FARS2: variants seen among roughly 807,000 people sequenced by gnomAD.
The protein encoded by FARS2 is phenylalanine--tRNA ligase, mitochondrial.
In FARS2, 40 loss-of-function variants were observed where a neutral mutation model predicts 46.4. That is an observed-to-expected ratio of 0.86 (90% CI 0.67 to 1.12). The LOEUF is 1.12. FARS2 is among the 50% of genes most tolerant of loss of function. FARS2 has a pLI of 0.00. For missense variants in FARS2, 513 were observed against 567.9 expected (o/e 0.90, Z 0.98); for synonymous variants, 234 against 214.9 (o/e 1.09, Z -0.78).
chr6:5,441,750 G>A (rs1763854822), intron 4 of FARS2, among the ~76,000 whole-genome samples: 2 of 152,196 alleles, frequency 1.3e-5, no homozygotes, highest in Admixed American at 6.5e-5. Flanking sequence ...GAGTCTCACT[G>A]AGCTATGTTT....
Position 5,369,027 on chromosome 6 carries a change from A to C in FARS2, c.457A>C (p.Arg153=). The stretch of plus-strand genomic sequence containing the variant: ...TTACCTGAATCGGACTCACATGCTG[A>C]GAGCGCACACGTCTGCACACCAGTG... ...NYYLNRTHML[R]AHTSAHQWDL... The change falls in exon 2 of 7, where the codon AGA becomes CGA. Residue 153 remains arginine (R), a synonymous_variant. Transcript: ENST00000274680. The C allele has an allele frequency of 6.2e-7, 1 of 1,614,040 alleles. No homozygotes were observed. Among genetic ancestry groups the C allele is most frequent in the South Asian group, 1.1e-5 (1 of 91,076 alleles).
Position 5,630,609 on chromosome 6 carries a change from T to A in FARS2, c.1217+17289T>A, listed in dbSNP as rs981983514. ...TTTGAAATAATACTGCAGGGAAGTTTCACGTTGCTGTCATTTACCCGTTCT... is the reference window on the plus strand; with the variant it reads ...TTTGAAATAATACTGCAGGGAAGTTACACGTTGCTGTCATTTACCCGTTCT... On this transcript the variant is annotated intron_variant, in intron 6 of 6. Transcript: ENST00000274680. This position sits in a 1 kb window ranked among gnomAD's most constrained non-coding sequence, Gnocchi z 4.2. Among the ~76,000 whole-genome samples, 6 of 152,214 alleles carry A rather than the reference T, an allele frequency of 3.9e-5. No individual in the cohort carries two copies. The highest frequency in any genetic ancestry group is 1.4e-4 in the African/African-American group (6 of 41,448).
intron 6 of FARS2, among the ~76,000 whole-genome samples, chr6:5,641,879 G>C (rs558484761): frequency 6.6e-6 from 1 of 152,234 alleles, no homozygotes; most frequent in South Asian, 2.1e-4. Context: ...GTTCTCCACG[G>C]TCATCATCCT....
chr6:5,763,506 C>G (rs1762594587), intron 6 of FARS2, among the ~76,000 whole-genome samples: 1 of 152,074 alleles, frequency 6.6e-6, no homozygotes, highest in Non-Finnish European at 1.5e-5. Flanking sequence ...GAGGTGACTC[C>G]TAGGATTCTA....
At chr6:5,716,816 G>A (rs933050722) in intron 6 of FARS2, among the ~76,000 whole-genome samples, 4 of 152,208 alleles carry the variant, frequency 2.6e-5, no homozygotes, top group Admixed American at 6.5e-5. Flanking sequence ...AAAATATGGG[G>A]GAGGGGGAAT....
chr6:5,418,782 G>A (rs1343945824), intron 3 of FARS2, among the ~76,000 whole-genome samples: 2 of 152,180 alleles, frequency 1.3e-5, no homozygotes, highest in Non-Finnish European at 1.5e-5. Context: ...GCTCTCCCAT[G>A]TTCTCCTTAG....
chr6:5,294,320 G>A lies in FARS2; in HGVS notation c.-22+32660G>A, dbSNP rs368070853. On this transcript the variant is annotated intron_variant, in intron 1 of 6. Transcript: ENST00000274680. ...AAAGAGGAGTAGAGGACAAAGAATG[G>A]AGAATGATGTGTATGTGGTGGTGTG... Among the ~76,000 whole-genome samples, 3 of 152,152 alleles carry A rather than the reference G, an allele frequency of 2.0e-5. No individual in the cohort carries two copies. In the East Asian group the frequency reaches 5.8e-4, roughly 29 times the overall value.
chr6:5,518,213 A>G (rs1023244744), intron 4 of FARS2, among the ~76,000 whole-genome samples: 8 of 152,192 alleles, frequency 5.3e-5, no homozygotes, highest in Admixed American at 1.3e-4. Flanking sequence ...GGCAGTGGCT[A>G]TAACTGTGGT....
intron 4 of FARS2, among the ~76,000 whole-genome samples, chr6:5,488,536 C>T (rs1226086949): frequency 6.6e-6 from 1 of 152,026 alleles, no homozygotes; most frequent in African/African-American, 2.4e-5. Flanking sequence ...CCTGTTCATG[C>T]TCAAATGAAT....
At chr6:5,657,246 AC>A (rs1777646091) in intron 6 of FARS2, among the ~76,000 whole-genome samples, 1 of 152,074 alleles carries the variant, frequency 6.6e-6, no homozygotes, top group South Asian at 2.1e-4. Flanking sequence ...CACCCCCCTC[AC>A]AGTTCAGAAG....
chr6:5,651,272 A>T (rs576632712), intron 6 of FARS2, among the ~76,000 whole-genome samples: 42 of 152,336 alleles, frequency 2.8e-4, no homozygotes, highest in Middle Eastern at 3.4e-3. Flanking sequence ...CCCCCAAAAG[A>T]TTCAGGAGTT....
At chr6:5,356,398 C>T (rs542608414) in intron 1 of FARS2, among the ~76,000 whole-genome samples, 120 of 152,254 alleles carry the variant, frequency 7.9e-4, no homozygotes, top group Non-Finnish European at 1.3e-3. Flanking sequence ...TTGCAGTGAG[C>T]TGAGATGGCA....
In FARS2 at chr6:5,771,434, A is replaced by G. The variant is rs1224250250; in HGVS notation, c.*5A>G. 3.1e-6 allele frequency: 5 copies of G among 1,610,060 alleles called. No homozygotes were observed. The highest frequency in any genetic ancestry group is 3.4e-5 in the Admixed American group (2 of 58,810). On this transcript the variant is annotated 3_prime_UTR_variant, in exon 7 of 7. Transcript: ENST00000274680. ...GGTGTGGAGGGCAGGTTCTGATGTC[A>G]CCACTTCACTCAGGCTGCAGCCCTC...
chr6:5,488,214 G>A (rs1405131887), intron 4 of FARS2, among the ~76,000 whole-genome samples: 1 of 152,090 alleles, frequency 6.6e-6, no homozygotes, highest in African/African-American at 2.4e-5. Context: ...TAACAGTAGT[G>A]ATTGGAATGC....
At chr6:5,607,915 G>T (rs1306141599) in intron 5 of FARS2, among the ~76,000 whole-genome samples, 1 of 150,786 alleles carries the variant, frequency 6.6e-6, no homozygotes, top group African/African-American at 2.4e-5. Context: ...ACACCAGAAT[G>T]AGAGGTCATA....
At chr6:5,267,613 A>T (rs1765639019) in intron 1 of FARS2, among the ~76,000 whole-genome samples, 1 of 151,888 alleles carries the variant, frequency 6.6e-6, no homozygotes, top group Non-Finnish European at 1.5e-5. Context: ...AATTAGCCGG[A>T]TGTGGTGGTG....
chr6:5,442,648 T>A (rs1019708081), intron 4 of FARS2, among the ~76,000 whole-genome samples: 3 of 152,166 alleles, frequency 2.0e-5, no homozygotes, highest in African/African-American at 7.2e-5. Flanking sequence ...TTTCAAGCAT[T>A]TACCCTCTCT....
intron 1 of FARS2, among the ~76,000 whole-genome samples, chr6:5,302,657 G>A (rs771781331): frequency 1.3e-5 from 2 of 152,216 alleles, no homozygotes; most frequent in Non-Finnish European, 2.9e-5. Flanking sequence ...ATGAGTGAAA[G>A]AGCAGGGCTG....
At chr6:5,495,541 T>A (rs1375200608) in intron 4 of FARS2, among the ~76,000 whole-genome samples, 1 of 152,212 alleles carries the variant, frequency 6.6e-6, no homozygotes, top group Admixed American at 6.5e-5. Flanking sequence ...AAAAAAAGAA[T>A]CTGGAGCTAG....
Sources: allele counts gnomAD v4.1 joint callset (sites outside exome capture counted in the v4.1 genomes callset), GRCh38; gene constraint gnomAD v4.1.1; non-coding constraint Gnocchi (gnomAD v3.1); transcripts MANE v1.5; gene names NCBI Gene and HGNC (gene_info 2026-07-23, HGNC 2026-07-21).